CHSY3: variants seen among roughly 807,000 people sequenced by gnomAD.
The protein encoded by CHSY3 is N-acetylgalactosaminyl-proteoglycan 3-beta-glucuronosyltransferase 3.
CHSY3 carries 35 observed loss-of-function variants against 67.2 expected under a neutral mutation model. The ratio of observed to expected loss-of-function variants is 0.52; its 90% confidence interval spans 0.40 to 0.69. The LOEUF is 0.69. Ranked by LOEUF, CHSY3 falls within the 30% of genes least tolerant of loss-of-function variation. The probability of loss-of-function intolerance (pLI) is 0.00; values close to 1 mark genes in which losing one functional copy is unlikely to be tolerated. For synonymous variants in CHSY3, 474 were observed against 434.7 expected (o/e 1.09, Z -1.12); for missense variants, 1,069 against 1,138.5 (o/e 0.94, Z 0.88).
At chr5:130,112,829 A>G (rs111410598) in intron 2 of CHSY3, among the ~76,000 whole-genome samples, 3 of 152,228 alleles carry the variant, frequency 2.0e-5, no homozygotes, top group South Asian at 2.1e-4. Flanking sequence ...GAGTATCCTC[A>G]TTTCACTATG....
chr5:130,067,723 G>A lies in CHSY3; in HGVS notation c.1087-116506G>A, dbSNP rs1435076224. 2.0e-5 allele frequency among the ~76,000 whole-genome samples: 3 copies of A among 152,088 alleles called. No individual in the cohort carries two copies. The East Asian group carries it at 5.8e-4, about 29-fold the overall frequency. On this transcript the variant is annotated intron_variant, in intron 2 of 2. Coordinates refer to ENST00000305031, the MANE Select transcript of CHSY3 (RefSeq NM_175856.5). ...AACAAGAAGGTGAAAGGAATGTTTA[G>A]GGTAGAGTTTGAGAATATGAGTGAT... is the stretch of plus-strand genomic sequence containing the variant.
intron 2 of CHSY3, among the ~76,000 whole-genome samples, chr5:129,943,176 G>A (rs1761748712): frequency 6.6e-6 from 1 of 152,034 alleles, no homozygotes; most frequent in African/African-American, 2.4e-5. Context: ...ATGAGCTAAG[G>A]TTAACAGAAG....
intron 2 of CHSY3, among the ~76,000 whole-genome samples, chr5:129,925,603 G>T (rs1581372494): frequency 1.3e-5 from 2 of 152,074 alleles, no homozygotes; most frequent in East Asian, 3.9e-4. Context: ...TATTTTAGTT[G>T]TTTTCAAGTA....
intron 2 of CHSY3, among the ~76,000 whole-genome samples, chr5:130,089,821 G>T (rs1442994147): frequency 6.6e-6 from 1 of 152,110 alleles, no homozygotes; most frequent in Non-Finnish European, 1.5e-5. Flanking sequence ...TCTGTAAATT[G>T]GCATCCCTGA....
At chr5:129,980,850 C>T (rs1195158100) in intron 2 of CHSY3, among the ~76,000 whole-genome samples, 1 of 152,038 alleles carries the variant, frequency 6.6e-6, no homozygotes, top group African/African-American at 2.4e-5. Context: ...GTCCAGTTTT[C>T]TAGTACCATT....
chr5:130,009,893 G>T (rs927859613), intron 2 of CHSY3, among the ~76,000 whole-genome samples: 4 of 152,042 alleles, frequency 2.6e-5, no homozygotes, highest in Admixed American at 2.0e-4. Flanking sequence ...CACAAAGAGG[G>T]TTATTACATA....
intron 2 of CHSY3, among the ~76,000 whole-genome samples, chr5:130,124,331 A>T (rs1768183575): frequency 6.6e-6 from 1 of 151,756 alleles, no homozygotes; most frequent in Non-Finnish European, 1.5e-5. Flanking sequence ...TTCTTCAGCT[A>T]TTCTTCTGAG....
intron 2 of CHSY3, among the ~76,000 whole-genome samples, chr5:130,078,032 T>G (rs1378895463): frequency 2.0e-5 from 3 of 152,094 alleles, no homozygotes; most frequent in Non-Finnish European, 4.4e-5. Context: ...TGAACTGTAT[T>G]ACAATACTTT....
At position 129,904,510 on chromosome 5, in the gene CHSY3, T is replaced by TGCTCCTCCTCCTCCTCCTGCA. The variant is rs1760149864; in HGVS notation, c.-311_-291dup. 1.1e-5 allele frequency: 3 copies of TGCTCCTCCTCCTCCTCCTGCA among 261,574 alleles called. No individual in the cohort carries two copies. 16.2% of individuals were successfully genotyped at this position (261,574 alleles called of 1,614,324 possible). On this transcript the variant is annotated 5_prime_UTR_variant, in exon 1 of 3. Transcript: ENST00000305031. ...GGAGCGGACGCGTTGCCGCCGCCGCTGCTCCTCCTCCTCCTCCTGCAGCTC... is the reference window on the plus strand; with the variant it reads ...GGAGCGGACGCGTTGCCGCCGCCGCTGCTCCTCCTCCTCCTCCTGCAGCTCCTCCTCCTCCTCCTGCAGCTC...
At chr5:130,039,699 A>G (rs1764956801) in intron 2 of CHSY3, among the ~76,000 whole-genome samples, 1 of 152,004 alleles carries the variant, frequency 6.6e-6, no homozygotes, top group Non-Finnish European at 1.5e-5. Flanking sequence ...GCTGGTCTCA[A>G]ACTCCTAGGC....
At position 130,171,056 on chromosome 5, in the gene CHSY3, C is replaced by T. The variant is rs1256894785; in HGVS notation, c.1087-13173C>T. On this transcript the variant is annotated intron_variant, in intron 2 of 2. Coordinates refer to ENST00000305031, the MANE Select transcript of CHSY3 (RefSeq NM_175856.5). ...TGTTTGCAAAATGGCAACTTGCAAA[C>T]GTAATATTCTTCTTTACCTCCTCTT... 2.6e-5 allele frequency among the ~76,000 whole-genome samples: 4 copies of T among 152,044 alleles called. No individual in the cohort carries two copies. The East Asian group carries it at 5.8e-4, about 22-fold the overall frequency.
At chr5:130,148,166 C>T (rs76965667) in intron 2 of CHSY3, among the ~76,000 whole-genome samples, 6,587 of 152,228 alleles carry the variant, frequency 0.043, 379 homozygotes, top group East Asian at 0.27. Context: ...TTTTCTGTTC[C>T]TGCATTACTT....
chr5:130,002,596 C>A (rs1338480394), intron 2 of CHSY3, among the ~76,000 whole-genome samples: 2 of 151,944 alleles, frequency 1.3e-5, no homozygotes, highest in Non-Finnish European at 2.9e-5. Context: ...GCTAGTGCTA[C>A]AATGTAGGAG....
At chr5:130,165,025 G>A (rs181768280) in intron 2 of CHSY3, among the ~76,000 whole-genome samples, 15 of 152,236 alleles carry the variant, frequency 9.9e-5, no homozygotes, top group Admixed American at 7.2e-4. Flanking sequence ...GAGGGTGAAA[G>A]GTAGCAGAGA....
At chr5:130,053,193 C>A (rs1320545900) in intron 2 of CHSY3, among the ~76,000 whole-genome samples, 2 of 151,816 alleles carry the variant, frequency 1.3e-5, no homozygotes, top group African/African-American at 4.8e-5. Flanking sequence ...AGTTAGTCTC[C>A]TGAAGGAGAA....
intron 2 of CHSY3, among the ~76,000 whole-genome samples, chr5:130,008,508 T>G (rs1763949600): frequency 6.6e-6 from 1 of 152,160 alleles, no homozygotes; most frequent in East Asian, 1.9e-4. Context: ...TAAAGGAACA[T>G]CAGCCTAACA....
At chr5:129,998,991 C>T (rs1763635685) in intron 2 of CHSY3, among the ~76,000 whole-genome samples, 1 of 151,906 alleles carries the variant, frequency 6.6e-6, no homozygotes, top group East Asian at 1.9e-4. Context: ...AAAGGATTTC[C>T]TACTCCAAGA....
At chr5:130,070,578 G>A (rs1766029369) in intron 2 of CHSY3, among the ~76,000 whole-genome samples, 1 of 152,038 alleles carries the variant, frequency 6.6e-6, no homozygotes, top group Admixed American at 6.6e-5. Flanking sequence ...ATGCAGTATT[G>A]AAATATTGAA....
chr5:130,167,834 A>G (rs1769791904), intron 2 of CHSY3, among the ~76,000 whole-genome samples: 2 of 152,064 alleles, frequency 1.3e-5, no homozygotes, highest in Admixed American at 6.6e-5. Flanking sequence ...CCTATTGAGT[A>G]TTTACCCTGT....
Sources: allele counts gnomAD v4.1 joint callset (sites outside exome capture counted in the v4.1 genomes callset), GRCh38; gene constraint gnomAD v4.1.1; transcripts MANE v1.5; gene names NCBI Gene and HGNC (gene_info 2026-07-23, HGNC 2026-07-21).